The following NF1 variants were observed in gnomAD, a reference collection of about 807,000 sequenced individuals.
NF1 encodes neurofibromin.
A neutral mutation model predicts 325.7 loss-of-function variants in NF1; 122 were observed. That is an observed-to-expected ratio of 0.37 (90% CI 0.32 to 0.44). NF1 has a LOEUF of 0.44. NF1 is among the 20% of genes least tolerant of loss of function. The probability of loss-of-function intolerance (pLI) is 1.00; values close to 1 mark genes in which losing one functional copy is unlikely to be tolerated. For synonymous variants in NF1, 1,091 were observed against 1,186.0 expected (o/e 0.92, Z 1.65); for missense variants, 2,140 against 3,415.4 (o/e 0.63, Z 9.31).
Position 31,232,152 on chromosome 17 carries a change from G to T in NF1, c.3277G>T (p.Val1093Leu). The T allele has an allele frequency of 6.2e-7, 1 of 1,608,778 alleles. No homozygotes were observed. The highest frequency in any genetic ancestry group is 8.5e-7 in the Non-Finnish European group (1 of 1,177,838). ...TCTGCAGCCTGAAGAAGGAGATGGT[G>T]TGGAATTGATGGAAGCCAAATCACA... ...LPLQPEEGDG[V>L]ELMEAKSQLF... is the part of the protein sequence containing the mutation. Residue 1093 changes from valine (V) to leucine (L), a missense_variant, in exon 25 of 58, where the codon GTG (valine) becomes TTG (leucine). Around this residue, in one of 10 missense-constraint regions of NF1, gnomAD observed 380 missense variants for 639.3 expected, o/e 0.59. Coordinates refer to ENST00000358273, the MANE Select transcript of NF1 (RefSeq NM_001042492.3).
At chr17:31,206,093 G>A in intron 11 of NF1, 147 bp from the exon 12 acceptor site, 1 of 800,356 alleles carries the variant, frequency 1.2e-6, no homozygotes, top group Non-Finnish European at 2.1e-6. Flanking sequence ...GACGTTGTTT[G>A]AAGACTTTGG....
At position 31,232,815 on chromosome 17, in the gene NF1, T is replaced by C. The variant is rs2067136902; in HGVS notation, c.3430T>C (p.Cys1144Arg). Residue 1144 changes from cysteine (C) to arginine (R), a missense_variant, in exon 26 of 58, where the codon TGT (cysteine) becomes CGT (arginine). By Grantham distance (180) the Cys-to-Arg change is radical. Coordinates refer to ENST00000358273, the MANE Select transcript of NF1 (RefSeq NM_001042492.3). Reference protein sequence around the residue: ...MSRRLASLRHCTVLAMSNLLN... With the variant: ...MSRRLASLRHRTVLAMSNLLN... ...TCGGAGGCTGGCATCACTGAGGCAC[T>C]GTACGGTCCTTGCAATGTCAAACTT... 6.2e-7 allele frequency: 1 copy of C among 1,614,168 alleles called. No homozygotes were observed. The highest frequency in any genetic ancestry group is 8.5e-7 in the Non-Finnish European group (1 of 1,180,008).
intron 8 of NF1, among the ~76,000 whole-genome samples, chr17:31,193,621 G>A (rs2066385528): frequency 6.6e-6 from 1 of 152,094 alleles, no homozygotes; most frequent in Admixed American, 6.6e-5. Flanking sequence ...GTATCCAGCA[G>A]AGGATTAATA....
At chr17:31,179,440 C>A (rs2066084743) in intron 5 of NF1, among the ~76,000 whole-genome samples, 1 of 152,104 alleles carries the variant, frequency 6.6e-6, no homozygotes, top group South Asian at 2.1e-4. Flanking sequence ...CCTAACATCA[C>A]AATTAAAAGA....
intron 46 of NF1, 69 bp downstream of exon 46, chr17:31,338,874 G>C: frequency 9.9e-7 from 1 of 1,005,768 alleles, no homozygotes; most frequent in East Asian, 2.4e-5. Context: ...TTCTTTCAAA[G>C]AGTTTAGAAA....
chr17:31,186,476 G>A (rs1313407170), intron 8 of NF1, among the ~76,000 whole-genome samples: 3 of 152,176 alleles, frequency 2.0e-5, no homozygotes, highest in Non-Finnish European at 4.4e-5. Flanking sequence ...AAGGAGAAAT[G>A]GCCAGATGTG....
At chr17:31,154,636 T>C (rs988043039) in intron 1 of NF1, among the ~76,000 whole-genome samples, 15 of 152,202 alleles carry the variant, frequency 9.9e-5, no homozygotes, top group African/African-American at 3.1e-4. Context: ...CCATAATCTT[T>C]ATAATTAACA....
chr17:31,318,592 A>G, intron 36 of NF1: 5 of 1,614,104 alleles, frequency 3.1e-6, no homozygotes, highest in Non-Finnish European at 4.2e-6. Flanking sequence ...CACTGCAATT[A>G]TAATTAAGCA....
In NF1 at chr17:31,326,050, A is replaced by G. The variant is rs2151538342; in HGVS notation, c.5066A>G (p.Tyr1689Cys). 1.2e-6 allele frequency: 2 copies of G among 1,614,198 alleles called. No individual in the cohort carries two copies. The highest frequency in any genetic ancestry group is 1.7e-6 in the Non-Finnish European group (2 of 1,180,018). ...AACTGTAACTCCTGGGTCAGGGAGT[A>G]CACCAAGTATCATGAGCGGCTGCTG... Reference protein sequence around the residue: ...IYNCNSWVREYTKYHERLLTG... With the variant: ...IYNCNSWVRECTKYHERLLTG... The change falls in exon 37 of 58, where the codon TAC becomes TGC. Residue 1689 changes from tyrosine (Y) to cysteine (C), a missense_variant. Coordinates refer to ENST00000358273, the MANE Select transcript of NF1 (RefSeq NM_001042492.3).
intron 1 of NF1, among the ~76,000 whole-genome samples, chr17:31,134,022 G>C (rs866902292): frequency 6.6e-6 from 1 of 151,274 alleles, no homozygotes; most frequent in Non-Finnish European, 1.5e-5. Flanking sequence ...TGACTTTTTG[G>C]TTTTTTTTTA....
chr17:31,304,316 A>G (rs1196183368), intron 36 of NF1: 2 of 1,614,102 alleles, frequency 1.2e-6, no homozygotes, highest in Non-Finnish European at 1.7e-6. Flanking sequence ...TCTTGATCAG[A>G]GTTGGGAGGA....
At chr17:31,283,694 G>A (rs2068169466) in intron 36 of NF1, among the ~76,000 whole-genome samples, 1 of 152,100 alleles carries the variant, frequency 6.6e-6, no homozygotes, top group Non-Finnish European at 1.5e-5. Flanking sequence ...GGTTTGTCAT[G>A]TTGCCCAGGC....
chr17:31,215,044 T>C (rs1270903848), intron 13 of NF1, among the ~76,000 whole-genome samples: 5 of 152,216 alleles, frequency 3.3e-5, no homozygotes, highest in Non-Finnish European at 7.4e-5. Context: ...TCATTGGCTC[T>C]GCCTACAAAT....
At chr17:31,293,686 C>G (rs529238419) in intron 36 of NF1, among the ~76,000 whole-genome samples, 3 of 152,154 alleles carry the variant, frequency 2.0e-5, no homozygotes, top group East Asian at 3.9e-4. Context: ...CATAAAAATT[C>G]CTTTCTCTAT....
In NF1 at chr17:31,335,274, T is replaced by TTATATACATATATATATATATATATA. The variant is rs1325370174; in HGVS notation, c.6006+249_6006+250insCATATATATATATATATATATATATA. Among the ~76,000 whole-genome samples, 20 of 6,708 alleles carry TTATATACATATATATATATATATATA rather than the reference T, an allele frequency of 3.0e-3. 2 individuals carry two copies. The highest frequency in any genetic ancestry group is 8.1e-3 in the East Asian group (3 of 370). 4.4% of individuals were successfully genotyped at this position (6,708 alleles called of 152,430 possible). Reference sequence around the variant, plus strand: ...TTGCACAGTCTCCTTCAAGGCATAATTATATATATATATATATATATAATT... The same window carrying TTATATACATATATATATATATATATA: ...TTGCACAGTCTCCTTCAAGGCATAATTATATACATATATATATATATATATATATATATATATATATATATATAATT... On this transcript the variant is annotated intron_variant, in intron 40 of 57. Coordinates refer to ENST00000358273, the MANE Select transcript of NF1 (RefSeq NM_001042492.3).
intron 18 of NF1, 113 bp from the exon 19 acceptor site, chr17:31,227,104 AT>A: frequency 2.7e-6 from 3 of 1,110,808 alleles, no homozygotes; most frequent in Non-Finnish European, 4.1e-6. Flanking sequence ...TGGCTTTATC[AT>A]TTGAAGCATT....
At chr17:31,271,869 C>T (rs548018215) in intron 36 of NF1, 6 of 151,988 alleles carry the variant, frequency 3.9e-5, no homozygotes, top group Non-Finnish European at 4.4e-5. Context: ...CTCACTCGCT[C>T]TCTCACTCTC....
At chr17:31,104,619 A>G (rs1912681468) in intron 1 of NF1, among the ~76,000 whole-genome samples, 1 of 152,180 alleles carries the variant, frequency 6.6e-6, no homozygotes, top group South Asian at 2.1e-4. Flanking sequence ...AGATGAGACC[A>G]TTTGTTTTGA....
chr17:31,349,427 G>A (rs1480737087), intron 49 of NF1, among the ~76,000 whole-genome samples, 176 bp downstream of exon 49: 1 of 152,102 alleles, frequency 6.6e-6, no homozygotes, highest in African/African-American at 2.4e-5. Context: ...TTTTCTGTAG[G>A]AAAAAATTTA....
Sources: allele counts gnomAD v4.1 joint callset (sites outside exome capture counted in the v4.1 genomes callset), GRCh38; gene constraint gnomAD v4.1.1; regional missense constraint gnomAD v4.1.1; transcripts MANE v1.5; gene names NCBI Gene and HGNC (gene_info 2026-07-23, HGNC 2026-07-21).